The following TUSC3 variants were observed in gnomAD, a reference collection of about 807,000 sequenced individuals.
TUSC3 encodes the protein dolichyl-diphosphooligosaccharide--protein glycosyltransferase subunit TUSC3.
TUSC3 carries 45 observed loss-of-function variants against 44.8 expected under a neutral mutation model. The observed-to-expected ratio is 1.00, with a 90% CI of 0.79 to 1.29. TUSC3 has a LOEUF of 1.29. Among genes scored for constraint, TUSC3 ranks in the 50% most tolerant of loss-of-function variants. The probability of loss-of-function intolerance (pLI) is 0.00; values close to 1 mark genes in which losing one functional copy is unlikely to be tolerated. For missense variants in TUSC3, 519 were observed against 437.9 expected, an observed-to-expected ratio of 1.19 and a Z score of -1.65; for synonymous variants, 212 against 152.9, an observed-to-expected ratio of 1.39 and a Z score of -2.85.
intron 2 of TUSC3, among the ~76,000 whole-genome samples, chr8:15,499,024 TCC>T (rs1473116220): frequency 2.6e-5 from 4 of 152,032 alleles, no homozygotes; most frequent in African/African-American, 9.7e-5. Context: ...TTTTTTTTTC[TCC>T]TGTGGGTTCC....
intron 6 of TUSC3, among the ~76,000 whole-genome samples, chr8:15,686,601 G>A (rs1007742598): frequency 6.6e-6 from 1 of 151,614 alleles, no homozygotes; most frequent in Non-Finnish European, 1.5e-5. Flanking sequence ...GAGTCATTAA[G>A]GATGCTATCA....
At chr8:15,604,693 T>C (rs185573855) in intron 1 of TUSC3, among the ~76,000 whole-genome samples, 1 of 151,858 alleles carries the variant, frequency 6.6e-6, no homozygotes, top group African/African-American at 2.4e-5. Context: ...CTATTTAGAA[T>C]GTCAAAGTAA....
In TUSC3 at chr8:15,766,249, G is replaced by A. The variant is rs1224438113; in HGVS notation, c.*2093G>A. 1.3e-5 allele frequency: 2 copies of A among 151,940 alleles called. No individual in the cohort carries two copies. The highest frequency in any genetic ancestry group is 2.9e-5 in the Non-Finnish European group (2 of 67,950). The allele number at this position is 151,940 out of a possible 1,614,324, so 9.4% of individuals were successfully genotyped here. A position where few individuals can be genotyped will look rare whatever the true frequency, so the allele number is the denominator to read the frequency against. ...AAGTGATTCTAGAGCAAAATATACT[G>A]CCTCAACATAAGTCGTTACTGACTG... On this transcript the variant is annotated 3_prime_UTR_variant, in exon 11 of 11. Transcript: ENST00000503731.
At chr8:15,461,385 G>A (rs1800342611) in intron 1 of TUSC3, among the ~76,000 whole-genome samples, 1 of 152,012 alleles carries the variant, frequency 6.6e-6, no homozygotes, top group Admixed American at 6.6e-5. Context: ...CATTAATTTT[G>A]TATCCAGAAA....
intron 1 of TUSC3, among the ~76,000 whole-genome samples, chr8:15,457,114 C>T (rs1263548620): frequency 1.5e-5 from 2 of 136,858 alleles, no homozygotes; most frequent in Non-Finnish European, 3.0e-5. Flanking sequence ...GGGAATTGAA[C>T]AATGAGAACA....
At position 15,563,254 on chromosome 8, in the gene TUSC3, C is replaced by T. The variant is rs1044285502; in HGVS notation, c.138+22686C>T. On this transcript the variant is annotated intron_variant, in intron 1 of 10. Transcript: ENST00000503731. Reference sequence around the variant, plus strand: ...ATGTGTGTCAGTCAGGGTTCAGTCACAGATGCAGGACCACTAGAAGGTGAA... The same window carrying T: ...ATGTGTGTCAGTCAGGGTTCAGTCATAGATGCAGGACCACTAGAAGGTGAA... Among the ~76,000 whole-genome samples, 4 of 152,116 alleles carry T rather than the reference C, an allele frequency of 2.6e-5. No homozygotes were observed. The South Asian group carries it at 6.2e-4, about 24-fold the overall frequency.
At chr8:15,737,541 AATAT>A (rs1363113224) in intron 7 of TUSC3, among the ~76,000 whole-genome samples, 2 of 152,230 alleles carry the variant, frequency 1.3e-5, no homozygotes, top group South Asian at 2.1e-4. Context: ...CAGTAGTTTA[AATAT>A]ATATTGCCAT....
intron 6 of TUSC3, among the ~76,000 whole-genome samples, chr8:15,692,561 T>C (rs775516844): frequency 3.3e-5 from 5 of 151,868 alleles, no homozygotes; most frequent in Non-Finnish European, 7.4e-5. Flanking sequence ...ACTTTCTTCC[T>C]GGTTCAGTCA....
rs576496361 is a variant in TUSC3 at position 15,599,871 on chromosome 8, C to T, written c.139-23209C>T. 3.1e-4 allele frequency among the ~76,000 whole-genome samples: 47 copies of T among 151,694 alleles called. No individual in the cohort carries two copies. The East Asian group carries it at 4.1e-3, about 13-fold the overall frequency. ...GGAAGTATCCTCCAAGTCTGTTCTCCTTAAATGTTGGTTGGCTATAATGGC... is the reference window on the plus strand; with the variant it reads ...GGAAGTATCCTCCAAGTCTGTTCTCTTTAAATGTTGGTTGGCTATAATGGC... On this transcript the variant is annotated intron_variant, in intron 1 of 10. Transcript: ENST00000503731.
intron 1 of TUSC3, among the ~76,000 whole-genome samples, chr8:15,544,362 A>T (rs775086677): frequency 6.6e-6 from 1 of 151,748 alleles, no homozygotes; most frequent in East Asian, 1.9e-4. Context: ...TATTTCCAGT[A>T]CACTTATTGA....
chr8:15,743,476 C>T, intron 7 of TUSC3, 62 bp from the exon 8 acceptor site: 1 of 1,550,554 alleles, frequency 6.4e-7, no homozygotes, highest in East Asian at 2.2e-5. Context: ...GTGTTCAGAG[C>T]CAGAAAAATT....
At chr8:15,753,628 T>TTATTCCATTGCATTAGTTTC (rs1811800846) in intron 9 of TUSC3, among the ~76,000 whole-genome samples, 1 of 152,094 alleles carries the variant, frequency 6.6e-6, no homozygotes, top group South Asian at 2.1e-4. Flanking sequence ...AGTCATCTTT[T>TTATTCCATTGCATTAGTTTC]TATTCCATTG....
At chr8:15,748,812 T>C (rs1304238749) in intron 9 of TUSC3, 2 of 493,524 alleles carry the variant, frequency 4.1e-6, no homozygotes, top group Admixed American at 4.4e-5. Flanking sequence ...TATAATTCAC[T>C]GTTCATTGTC....
At chr8:15,517,878 C>G (rs990618310) in intron 2 of TUSC3, among the ~76,000 whole-genome samples, 2 of 151,792 alleles carry the variant, frequency 1.3e-5, no homozygotes, top group African/African-American at 4.8e-5. Flanking sequence ...CACAAAATTT[C>G]CCTTTTAAAT....
chr8:15,479,153 G>C (rs552628565), intron 1 of TUSC3, among the ~76,000 whole-genome samples: 14 of 152,136 alleles, frequency 9.2e-5, no homozygotes, highest in African/African-American at 3.4e-4. Flanking sequence ...TTGTATATTT[G>C]TTTAAGTTCT....
intron 8 of TUSC3, among the ~76,000 whole-genome samples, chr8:15,746,766 A>AAAAG (rs1421862230): frequency 6.6e-6 from 1 of 152,152 alleles, no homozygotes; most frequent in Non-Finnish European, 1.5e-5. Context: ...GAAGGAAAAG[A>AAAAG]AAAGAAAGAC....
the TUSC3 span, among the ~76,000 whole-genome samples, chr8:15,788,973 C>G: frequency 6.6e-6 from 1 of 152,182 alleles, no homozygotes; most frequent in Non-Finnish European, 1.5e-5. Context: ...CATTGGCAAG[C>G]TACGCCTCCC....
At chr8:15,842,456 A>G in the TUSC3 span, among the ~76,000 whole-genome samples, 1 of 152,096 alleles carries the variant, frequency 6.6e-6, no homozygotes, top group Non-Finnish European at 1.5e-5. Context: ...GTCTCTATTT[A>G]TTTATTTTAT....
intron 1 of TUSC3, among the ~76,000 whole-genome samples, chr8:15,579,145 G>A (rs542426276): frequency 1.3e-5 from 2 of 151,834 alleles, no homozygotes; most frequent in East Asian, 3.9e-4. Flanking sequence ...TTGTATTTCT[G>A]TGGGATTGGT....
Sources: gnomAD v4.1 joint callset for allele counts (sites outside exome capture counted in the v4.1 genomes callset) on GRCh38, gnomAD v4.1.1 for gene constraint, MANE v1.5 for transcripts, NCBI Gene and HGNC (gene_info 2026-07-23, HGNC 2026-07-21) for gene names.